NPAS3: variants seen among roughly 807,000 people sequenced by gnomAD.
NPAS3 encodes neuronal PAS domain protein 3, also known as neuronal PAS domain-containing protein 3.
In NPAS3, 14 loss-of-function variants were observed where a neutral mutation model predicts 73.1. That is an observed-to-expected ratio of 0.19 (90% CI 0.13 to 0.30). The LOEUF (loss-of-function observed/expected upper bound fraction) is 0.30, where lower values mean the gene tolerates loss of function less well. Among genes scored for constraint, NPAS3 ranks in the 10% least tolerant of loss-of-function variants. NPAS3 has a pLI of 1.00. For synonymous variants in NPAS3, 620 were observed against 541.5 expected (o/e 1.14, Z -2.01); for missense variants, 1,096 against 1,250.0 (o/e 0.88, Z 1.86).
chr14:32,980,469 A>G (rs2037850755), intron 1 of NPAS3, among the ~76,000 whole-genome samples: 1 of 152,216 alleles, frequency 6.6e-6, no homozygotes, highest in African/African-American at 2.4e-5. Flanking sequence ...CTCCTGTATG[A>G]TGTAATGATT....
intron 4 of NPAS3, among the ~76,000 whole-genome samples, chr14:33,512,105 T>C (rs1001073999): frequency 3.3e-5 from 5 of 152,094 alleles, no homozygotes; most frequent in Non-Finnish European, 5.9e-5. Context: ...GCCTCTGCCA[T>C]AGATGAACAG....
At chr14:33,383,332 A>G (rs2046639634) in intron 4 of NPAS3, among the ~76,000 whole-genome samples, 1 of 152,096 alleles carries the variant, frequency 6.6e-6, no homozygotes, top group African/African-American at 2.4e-5. Flanking sequence ...AATGCATATA[A>G]CTTCCAACTG....
At chr14:33,729,337 T>C (rs1295045502) in intron 6 of NPAS3, among the ~76,000 whole-genome samples, 1 of 152,188 alleles carries the variant, frequency 6.6e-6, no homozygotes, top group African/African-American at 2.4e-5. Context: ...AAAAAGGCTA[T>C]GATTTTTCCA....
intron 4 of NPAS3, among the ~76,000 whole-genome samples, chr14:33,397,527 T>A (rs1221944592): frequency 6.6e-6 from 1 of 152,132 alleles, no homozygotes; most frequent in Non-Finnish European, 1.5e-5. Flanking sequence ...ATTACACCAA[T>A]GCTTTATTCT....
At chr14:33,748,389 T>A (rs1230949744) in intron 7 of NPAS3, among the ~76,000 whole-genome samples, 2 of 152,212 alleles carry the variant, frequency 1.3e-5, no homozygotes, top group South Asian at 2.1e-4. Flanking sequence ...TTCAGTTTTT[T>A]AAAAATCAAC....
rs145619664 is a variant in NPAS3, at chr14:33,133,054, T to G, written c.140+77060T>G. On this transcript the variant is annotated intron_variant, in intron 2 of 11. Transcript: ENST00000356141. Reference sequence around the variant, plus strand: ...GTGATTAGATAGGTGGGATTATTATTTGTTAATAAAGTACATATGACTTAT... The same window carrying G: ...GTGATTAGATAGGTGGGATTATTATGTGTTAATAAAGTACATATGACTTAT... 3.0e-4 allele frequency among the ~76,000 whole-genome samples: 45 copies of G among 152,318 alleles called. No individual in the cohort carries two copies. The East Asian group carries it at 7.9e-3, about 27-fold the overall frequency.
chr14:33,288,642 A>C (rs899900857), intron 3 of NPAS3, among the ~76,000 whole-genome samples: 11 of 151,998 alleles, frequency 7.2e-5, no homozygotes, highest in African/African-American at 2.7e-4. Context: ...TGATGTTAGA[A>C]GTCAGGAGAG....
chr14:33,552,192 C>T (rs73269076), intron 4 of NPAS3, among the ~76,000 whole-genome samples: 16 of 152,252 alleles, frequency 1.1e-4, no homozygotes, highest in African/African-American at 3.9e-4. Flanking sequence ...GAGACTCACT[C>T]GTGTGGAAAG....
chr14:33,018,487 G>T (rs770581438), intron 1 of NPAS3, among the ~76,000 whole-genome samples: 6 of 152,152 alleles, frequency 3.9e-5, no homozygotes, highest in Non-Finnish European at 7.4e-5. Context: ...GGGGGTAAAT[G>T]AACTCTCATT....
chr14:33,699,796 C>T (rs375631599), intron 6 of NPAS3, among the ~76,000 whole-genome samples: 1 of 152,022 alleles, frequency 6.6e-6, no homozygotes, highest in African/African-American at 2.4e-5. Context: ...GCTGAGCAGT[C>T]CTGTGGGTGA....
chr14:33,275,329 T>G (rs2041280973), intron 3 of NPAS3, among the ~76,000 whole-genome samples: 1 of 152,176 alleles, frequency 6.6e-6, no homozygotes, highest in Non-Finnish European at 1.5e-5. Flanking sequence ...GCAAGAAAAT[T>G]TATTTTAAAG....
At chr14:33,342,595 T>C (rs1296926626) in intron 3 of NPAS3, among the ~76,000 whole-genome samples, 1 of 152,238 alleles carries the variant, frequency 6.6e-6, no homozygotes, top group African/African-American at 2.4e-5. Flanking sequence ...GAATTTTAAC[T>C]TGATAAGCCT....
At chr14:33,517,144 A>G (rs922515246) in intron 4 of NPAS3, among the ~76,000 whole-genome samples, 2 of 152,118 alleles carry the variant, frequency 1.3e-5, no homozygotes, top group African/African-American at 2.4e-5. Flanking sequence ...GTTTTGACAG[A>G]GTAAACAAAC....
At chr14:33,774,442 C>T in exon 8 of NPAS3, 3 of 1,614,150 alleles carry the variant, frequency 1.9e-6, no homozygotes, top group Non-Finnish European at 2.5e-6. Context: ...TGCCTTGCCT[C>T]CCCCTACGAT....
intron 4 of NPAS3, among the ~76,000 whole-genome samples, chr14:33,457,382 A>G (rs1312524542): frequency 2.0e-5 from 3 of 152,132 alleles, no homozygotes; most frequent in Admixed American, 1.3e-4. Flanking sequence ...ATGAAAAGAG[A>G]TTTTACTGCA....
At chr14:33,038,088 G>C (rs1237384265) in intron 1 of NPAS3, among the ~76,000 whole-genome samples, 1 of 152,114 alleles carries the variant, frequency 6.6e-6, no homozygotes, top group Non-Finnish European at 1.5e-5. Flanking sequence ...TTCCCTATCT[G>C]AGCTTTTTAA....
chr14:32,941,055 A>C (rs995332401), intron 1 of NPAS3, among the ~76,000 whole-genome samples: 8 of 152,234 alleles, frequency 5.3e-5, no homozygotes, highest in African/African-American at 1.9e-4. Context: ...TCAGTGTTTC[A>C]TGAAGAATTC....
At chr14:33,449,730 T>C (rs1289502051) in intron 4 of NPAS3, among the ~76,000 whole-genome samples, 1 of 152,188 alleles carries the variant, frequency 6.6e-6, no homozygotes, top group African/African-American at 2.4e-5. Context: ...AAATGTTGCA[T>C]AGACTTTGTT....
intron 5 of NPAS3, among the ~76,000 whole-genome samples, chr14:33,574,772 A>G (rs532714377): frequency 1.1e-4 from 17 of 152,342 alleles, no homozygotes; most frequent in African/African-American, 3.8e-4. Context: ...TATGAAAGGC[A>G]TGAACCTGAG....
Sources: allele counts gnomAD v4.1 joint callset (sites outside exome capture counted in the v4.1 genomes callset), GRCh38; gene constraint gnomAD v4.1.1; transcripts MANE v1.5; gene names NCBI Gene and HGNC (gene_info 2026-07-23, HGNC 2026-07-21).